The following CACHD1 variants were observed in gnomAD, a reference collection of about 807,000 sequenced individuals.
The protein encoded by CACHD1 is cache domain containing 1.
CACHD1 carries 71 observed loss-of-function variants against 138.7 expected under a neutral mutation model. That is an observed-to-expected ratio of 0.51 (90% CI 0.42 to 0.62). The LOEUF (loss-of-function observed/expected upper bound fraction) is 0.62, where lower values mean the gene tolerates loss of function less well. Among genes scored for constraint, CACHD1 ranks in the 20% least tolerant of loss-of-function variants. The pLI, the probability that CACHD1 is intolerant of heterozygous loss-of-function variation, is 0.00. For synonymous variants in CACHD1, 578 were observed against 591.5 expected (o/e 0.98, Z 0.33); for missense variants, 1,389 against 1,625.3 (o/e 0.85, Z 2.50).
At chr1:64,560,192 C>T (rs1188372089) in intron 2 of CACHD1, among the ~76,000 whole-genome samples, 2 of 151,948 alleles carry the variant, frequency 1.3e-5, no homozygotes, top group Non-Finnish European at 2.9e-5. Context: ...ATGAATTTGG[C>T]TTCCTTAATT....
In CACHD1 at chr1:64,470,942, G is replaced by C; in HGVS notation, c.198G>C (p.Gln66His). ...AAEELGVVTMQRIFNSFVYTE... is the reference protein window; with the variant it reads ...AAEELGVVTMHRIFNSFVYTE... ...AGGAGCTGGGGGTCGTCACCATGCAGGTAAGTGGCCCCCGAGCTGGCCAGA... is the reference window on the plus strand; with the variant it reads ...AGGAGCTGGGGGTCGTCACCATGCACGTAAGTGGCCCCCGAGCTGGCCAGA... Residue 66 changes from glutamine (Q) to histidine (H), a missense_variant and splice_region_variant, in exon 1 of 27, where the codon CAG (glutamine) becomes CAC (histidine). Around this residue, in one of 5 missense-constraint regions of CACHD1, gnomAD observed 1,000 missense variants for 1,114.7 expected, o/e 0.90. Transcript: ENST00000651257. The surrounding 1 kb of genome is among the most constrained non-coding windows in gnomAD (Gnocchi z 5.2). 1 of 1,599,364 alleles carries C rather than the reference G, an allele frequency of 6.3e-7. No individual in the cohort carries two copies. Among genetic ancestry groups the C allele is most frequent in the South Asian group, 1.1e-5 (1 of 88,544 alleles).
At chr1:64,690,177 T>C (rs1204367926) in intron 26 of CACHD1, among the ~76,000 whole-genome samples, 2 of 152,216 alleles carry the variant, frequency 1.3e-5, no homozygotes, top group African/African-American at 4.8e-5. Flanking sequence ...GTGACTTGTA[T>C]ATTATAGGTA....
chr1:64,599,410 C>T (rs945428433), intron 3 of CACHD1, among the ~76,000 whole-genome samples: 5 of 151,938 alleles, frequency 3.3e-5, no homozygotes, highest in Admixed American at 2.6e-4. Context: ...TGGGCCAGTA[C>T]TAGGGAGAAA....
chr1:64,628,825 A>G (rs761350623), intron 4 of CACHD1, among the ~76,000 whole-genome samples: 2 of 152,222 alleles, frequency 1.3e-5, no homozygotes, highest in Non-Finnish European at 2.9e-5. Flanking sequence ...CAGCACTGGC[A>G]CAGAGGAATC....
intron 16 of CACHD1, among the ~76,000 whole-genome samples, chr1:64,670,216 AC>A (rs1161290281): frequency 6.6e-6 from 1 of 152,120 alleles, no homozygotes; most frequent in Non-Finnish European, 1.5e-5. Context: ...CAGGAGGATC[AC>A]TTGAGCCCCC....
At position 64,496,138 on chromosome 1, in the gene CACHD1, T is replaced by G. The variant is rs12742414; in HGVS notation, c.198+25196T>G. Among the ~76,000 whole-genome samples, 1,148 of 152,350 alleles carry G rather than the reference T, an allele frequency of 7.5e-3. 2 individuals are homozygous for G. The highest frequency in any genetic ancestry group is 0.011 in the Non-Finnish European group (753 of 68,028). On this transcript the variant is annotated intron_variant, in intron 1 of 26. Coordinates refer to ENST00000651257, the MANE Select transcript of CACHD1 (RefSeq NM_020925.4). The stretch of plus-strand genomic sequence containing the variant: ...GACTTGATGTATGTTTAGTGCTTAT[T>G]TGAACTACATTCAGGCCTATCCTTT...
chr1:64,556,175 C>T (rs1355089893), intron 2 of CACHD1, among the ~76,000 whole-genome samples: 1 of 152,180 alleles, frequency 6.6e-6, no homozygotes, highest in Non-Finnish European at 1.5e-5. Context: ...CAGGGTGTGA[C>T]ATGGGCTTAC....
intron 26 of CACHD1, among the ~76,000 whole-genome samples, chr1:64,689,833 T>C (rs971986226): frequency 6.6e-6 from 1 of 152,188 alleles, no homozygotes; most frequent in African/African-American, 2.4e-5. Flanking sequence ...AAAATATACA[T>C]TCTCTGAAGA....
intron 1 of CACHD1, among the ~76,000 whole-genome samples, chr1:64,528,861 T>G (rs1222974340): frequency 1.3e-5 from 2 of 152,136 alleles, no homozygotes; most frequent in Non-Finnish European, 2.9e-5. Flanking sequence ...AAAAATATCC[T>G]AATACCTGAT....
intron 1 of CACHD1, among the ~76,000 whole-genome samples, chr1:64,508,716 ATAGAGACGTAGTGCATT>A (rs1193283399): frequency 2.0e-5 from 3 of 152,146 alleles, no homozygotes; most frequent in South Asian, 4.1e-4. Flanking sequence ...GCTAAGTAAG[ATAGAGACGTAGTGCATT>A]TAGAGAACCA....
At chr1:64,599,260 TA>T (rs978944327) in intron 3 of CACHD1, among the ~76,000 whole-genome samples, 2 of 152,098 alleles carry the variant, frequency 1.3e-5, no homozygotes, top group South Asian at 4.2e-4. Context: ...AGCAGAATCT[TA>T]AAAAAAATCT....
At chr1:64,527,072 T>A (rs1316991490) in intron 1 of CACHD1, among the ~76,000 whole-genome samples, 2 of 152,222 alleles carry the variant, frequency 1.3e-5, no homozygotes, top group African/African-American at 4.8e-5. Flanking sequence ...TATAGGGAGT[T>A]AAAGACAGCA....
chr1:64,566,098 A>G (rs1646878461), intron 2 of CACHD1, among the ~76,000 whole-genome samples: 1 of 152,112 alleles, frequency 6.6e-6, no homozygotes, highest in Admixed American at 6.5e-5. Context: ...TATTAATTGC[A>G]TCTCTCTTTA....
intron 1 of CACHD1, among the ~76,000 whole-genome samples, chr1:64,541,018 G>A (rs948475541): frequency 3.3e-5 from 5 of 152,172 alleles, no homozygotes; most frequent in South Asian, 2.1e-4. Context: ...ACGTGCACAC[G>A]CACATACGAA....
At chr1:64,568,223 G>A (rs1646898175) in intron 2 of CACHD1, among the ~76,000 whole-genome samples, 1 of 152,040 alleles carries the variant, frequency 6.6e-6, no homozygotes. Context: ...TTAGCTAATT[G>A]AGTGAGTGAA....
At chr1:64,496,863 C>CA (rs35934967) in intron 1 of CACHD1, among the ~76,000 whole-genome samples, 2,436 of 85,198 alleles carry the variant, frequency 0.029, 36 homozygotes, top group African/African-American at 0.047. Context: ...GAAGTTGTCT[C>CA]AAAAAAAAAA....
intron 16 of CACHD1, among the ~76,000 whole-genome samples, chr1:64,671,348 A>G (rs1649809337): frequency 6.6e-6 from 1 of 152,094 alleles, no homozygotes; most frequent in Non-Finnish European, 1.5e-5. Flanking sequence ...ACTCTTATTT[A>G]TACAGTCCTA....
intron 3 of CACHD1, among the ~76,000 whole-genome samples, chr1:64,600,175 C>A (rs1370614914): frequency 6.6e-6 from 1 of 152,148 alleles, no homozygotes; most frequent in African/African-American, 2.4e-5. Context: ...CTACCCTATT[C>A]TCTTCATCTA....
At chr1:64,552,293 A>G (rs759279834) in intron 2 of CACHD1, among the ~76,000 whole-genome samples, 13 of 152,186 alleles carry the variant, frequency 8.5e-5, no homozygotes, top group Non-Finnish European at 1.8e-4. Context: ...ACTTCCATGT[A>G]TATCACATTG....
Sources: gnomAD v4.1 joint callset for allele counts (sites outside exome capture counted in the v4.1 genomes callset) on GRCh38, gnomAD v4.1.1 for gene constraint, gnomAD v4.1.1 regional missense constraint, Gnocchi (gnomAD v3.1) non-coding constraint, MANE v1.5 for transcripts, NCBI Gene and HGNC (gene_info 2026-07-23, HGNC 2026-07-21) for gene names.